Variants in DNAH14 observed in about 807,000 individuals in gnomAD.
The protein encoded by DNAH14 is dynein axonemal heavy chain 14.
In DNAH14, 478 loss-of-function variants were observed where a neutral mutation model predicts 520.9. That is an observed-to-expected ratio of 0.92 (90% CI 0.85 to 0.99). The LOEUF (loss-of-function observed/expected upper bound fraction) is 0.99, where lower values mean the gene tolerates loss of function less well. Among genes scored for constraint, DNAH14 ranks in the 50% least tolerant of loss-of-function variants. The probability of loss-of-function intolerance (pLI) is 0.00; values close to 1 mark genes in which losing one functional copy is unlikely to be tolerated. For synonymous variants in DNAH14, 1,581 were observed against 1,757.2 expected, an observed-to-expected ratio of 0.90 and a Z score of 2.51; for missense variants, 4,831 against 5,234.5, an observed-to-expected ratio of 0.92 and a Z score of 2.38.
At chr1:225,363,166 A>G (rs996941276) in intron 75 of DNAH14, among the ~76,000 whole-genome samples, 3 of 152,118 alleles carry the variant, frequency 2.0e-5, no homozygotes, top group Non-Finnish European at 4.4e-5. Flanking sequence ...CATTTCTCTC[A>G]TATATATGTA....
chr1:224,980,745 G>A (rs1258751606), intron 8 of DNAH14, among the ~76,000 whole-genome samples: 1 of 152,160 alleles, frequency 6.6e-6, no homozygotes, highest in Non-Finnish European at 1.5e-5. Context: ...ACTACTGATT[G>A]AAGAGTCTTA....
rs1395530841 is a variant in DNAH14, at chr1:225,367,960, A to G, written c.12246A>G (p.Val4082=). The stretch of plus-strand genomic sequence containing the variant: ...TTAGCCTATGTTTTTTCAATGCTGT[A>G]ATCAATGAAAGAAAAAATTACGGAA... The part of the protein sequence containing the change: ...LLFSLCFFNA[V]INERKNYGIL... The change falls in exon 77 of 86, where the codon GTA becomes GTG. Residue 4082 remains valine (V), a synonymous_variant. Transcript: ENST00000682510. 1.3e-6 allele frequency: 2 copies of G among 1,551,552 alleles called. No individual in the cohort carries two copies. The highest frequency in any genetic ancestry group is 4.9e-5 in the East Asian group (2 of 40,920).
chr1:225,079,117 TTA>T, intron 17 of DNAH14, 88 bp from the exon 18 acceptor site: 1 of 1,190,328 alleles, frequency 8.4e-7, no homozygotes. Flanking sequence ...GAAATTAGAC[TTA>T]TATAAGTCAG....
chr1:225,344,810 G>A (rs996180391), intron 69 of DNAH14, among the ~76,000 whole-genome samples: 6 of 151,980 alleles, frequency 3.9e-5, no homozygotes, highest in African/African-American at 1.5e-4. Context: ...CACCTCCCAG[G>A]TTCAAGTGAT....
intron 71 of DNAH14, 46 bp downstream of exon 71, chr1:225,346,700 G>T: frequency 6.9e-7 from 1 of 1,439,588 alleles, no homozygotes; most frequent in Non-Finnish European, 9.3e-7. Flanking sequence ...TCCATTAAAA[G>T]TGTGTTTCCT....
chr1:225,373,883 T>C (rs1575083238), intron 77 of DNAH14, among the ~76,000 whole-genome samples: 1 of 151,580 alleles, frequency 6.6e-6, no homozygotes, highest in African/African-American at 2.4e-5. Context: ...CTCAGCACTT[T>C]GGGAGGCCAA....
rs527803455 is a variant in DNAH14, at chr1:225,324,603, C to T, written c.9628-134C>T. 1.5e-5 allele frequency: 14 copies of T among 919,036 alleles called. No homozygotes were observed. The African/African-American group carries it at 2.4e-4, about 15-fold the overall frequency. The allele number at this position is 919,036 out of a possible 1,614,324, so 56.9% of individuals were successfully genotyped here. On this transcript the variant is annotated intron_variant, in intron 63 of 85. Transcript: ENST00000682510. ...TTCACCATAATAGGCAACTTTGTAC[C>T]CCACATATACATATAGTTCTAGGAA...
intron 17 of DNAH14, among the ~76,000 whole-genome samples, chr1:225,070,111 G>A (rs900392252): frequency 1.5e-4 from 22 of 151,626 alleles, no homozygotes; most frequent in African/African-American, 4.1e-4. Context: ...TACTTTATTC[G>A]TCTAGCTAGC....
At chr1:224,951,796 GCCCA>G (rs1331682171) in intron 1 of DNAH14, among the ~76,000 whole-genome samples, 1 of 151,782 alleles carries the variant, frequency 6.6e-6, no homozygotes, top group African/African-American at 2.4e-5. Flanking sequence ...GACTACAGGC[GCCCA>G]CCACCAATGC....
chr1:224,973,870 T>C (rs975290895), intron 7 of DNAH14, among the ~76,000 whole-genome samples: 1 of 152,200 alleles, frequency 6.6e-6, no homozygotes, highest in Non-Finnish European at 1.5e-5. Context: ...ATCCTGTATC[T>C]ATGAGAATTA....
At chr1:225,092,993 C>G (rs1338578855) in intron 21 of DNAH14, among the ~76,000 whole-genome samples, 2 of 151,970 alleles carry the variant, frequency 1.3e-5, no homozygotes, top group Non-Finnish European at 2.9e-5. Context: ...AATAATTGAA[C>G]AGACCAGTAA....
At chr1:224,996,784 G>A (rs1156933643) in intron 8 of DNAH14, among the ~76,000 whole-genome samples, 1 of 152,130 alleles carries the variant, frequency 6.6e-6, no homozygotes, top group African/African-American at 2.4e-5. Flanking sequence ...TAGGATGGAG[G>A]GGACCAGCTG....
In DNAH14 at chr1:225,305,166, T is replaced by C. The variant is rs2094214889; in HGVS notation, c.9005+77T>C. Reference sequence around the variant, plus strand: ...TGCGAAAAGAGACACAAATGCAAAATGGTGAGCCAAATCTGCCTTTTTGGT... The same window carrying C: ...TGCGAAAAGAGACACAAATGCAAAACGGTGAGCCAAATCTGCCTTTTTGGT... On this transcript the variant is annotated intron_variant, in intron 58 of 85. Coordinates refer to ENST00000682510, the MANE Select transcript of DNAH14 (RefSeq NM_001367479.1). 2.8e-6 allele frequency: 4 copies of C among 1,448,364 alleles called. No individual in the cohort carries two copies. In the South Asian group the frequency reaches 4.2e-5, roughly 15 times the overall value. The allele number at this position is 1,448,364 out of a possible 1,614,324, so 89.7% of individuals were successfully genotyped here.
At chr1:224,941,725 A>G (rs952178016) in intron 1 of DNAH14, among the ~76,000 whole-genome samples, 9 of 152,174 alleles carry the variant, frequency 5.9e-5, no homozygotes, top group Non-Finnish European at 1.3e-4. Flanking sequence ...CTTTCTACAT[A>G]TGGCTAGCCA....
intron 52 of DNAH14, among the ~76,000 whole-genome samples, chr1:225,274,228 G>T (rs1369857303): frequency 1.1e-5 from 1 of 87,920 alleles, no homozygotes; most frequent in Non-Finnish European, 2.3e-5. Context: ...TTTTTGAGAC[G>T]GAGTCTCGTT....
chr1:225,172,874 A>G lies in DNAH14; in HGVS notation c.5535+4846A>G, dbSNP rs558207839. Among the ~76,000 whole-genome samples, 1,021 of 152,286 alleles carry G rather than the reference A, an allele frequency of 6.7e-3. 6 individuals are homozygous for G. Among genetic ancestry groups the G allele is most frequent in the Middle Eastern group, 0.02 (6 of 294 alleles). On this transcript the variant is annotated intron_variant, in intron 36 of 85. Transcript: ENST00000682510. ...CTTCAAACTATACTACAAGGCTACC[A>G]TAACCAAAGCAGCATGGTACTGGTA...
intron 1 of DNAH14, among the ~76,000 whole-genome samples, chr1:224,947,075 G>A (rs1260235480): frequency 1.3e-5 from 2 of 151,572 alleles, no homozygotes; most frequent in African/African-American, 2.4e-5. Flanking sequence ...GCACCACCAC[G>A]CTCGGCTAAT....
Position 225,363,583 on chromosome 1 carries a change from C to T in DNAH14, c.11988-1209C>T, listed in dbSNP as rs1218535151. Reference sequence around the variant, plus strand: ...CTCAGTCTGCCTTTGTCTTTCGTAACTTTGATATTTTTGAAAAGTACAAGC... The same window carrying T: ...CTCAGTCTGCCTTTGTCTTTCGTAATTTTGATATTTTTGAAAAGTACAAGC... On this transcript the variant is annotated intron_variant, in intron 75 of 85. Transcript: ENST00000682510. 2.0e-5 allele frequency among the ~76,000 whole-genome samples: 3 copies of T among 152,228 alleles called. No individual in the cohort carries two copies. The South Asian group carries it at 6.2e-4, about 32-fold the overall frequency.
intron 67 of DNAH14, 106 bp downstream of exon 67, chr1:225,337,602 AAT>A: frequency 5.9e-6 from 5 of 852,196 alleles, no homozygotes; most frequent in East Asian, 2.7e-5. Flanking sequence ...TCAGGGAAAA[AAT>A]AATAACAGAC....
Sources: allele counts gnomAD v4.1 joint callset (sites outside exome capture counted in the v4.1 genomes callset), GRCh38; gene constraint gnomAD v4.1.1; transcripts MANE v1.5; gene names NCBI Gene and HGNC (gene_info 2026-07-23, HGNC 2026-07-21).